Variants in BCOR observed in about 807,000 individuals in gnomAD.
BCOR encodes BCL6 corepressor.
BCOR carries 10 observed loss-of-function variants against 86.7 expected under a neutral mutation model. That is an observed-to-expected ratio of 0.12 (90% CI 0.07 to 0.20). The LOEUF (loss-of-function observed/expected upper bound fraction) is 0.20. Ranked by LOEUF, BCOR falls within the 10% of genes least tolerant of loss-of-function variation. The pLI, the probability that BCOR is intolerant of heterozygous loss-of-function variation, is 1.00. For missense variants in BCOR, 1,259 were observed against 1,452.1 expected (o/e 0.87, Z 2.16); for synonymous variants, 611 against 609.0 (o/e 1.00, Z -0.05).
rs756871820 is a variant in BCOR, at chrX:40,076,457, G to A, written c.162C>T (p.Asn54=). 6.7e-6 allele frequency: 8 copies of A among 1,187,263 alleles called. No homozygotes were observed. Among genetic ancestry groups the A allele is most frequent in the South Asian group, 1.8e-5 (1 of 56,287 alleles). ...ACAGAAGCTATTAATCTCTTACCAC[G>A]TTGTGGTTCAAGGGATTCTCTTCCC... ...ELREENPLNH[N]VVDASTAHRI... is the part of the protein sequence containing the mutation. The change falls in exon 3 of 15, where the codon AAC becomes AAT. Residue 54 remains asparagine, a synonymous_variant. Coordinates refer to ENST00000378444, the MANE Select transcript of BCOR (RefSeq NM_001123385.2).
chrX:40,110,667 CTTTTTTTTTTTTTT>C (rs546960508), intron 1 of BCOR, among the ~76,000 whole-genome samples: 1 of 29,546 alleles, frequency 3.4e-5, no homozygotes, highest in African/African-American at 1.1e-4. Flanking sequence ...TTTCCTTTTT[CTTTTTTTTTTTTTT>C]TTTTTTTTTT....
chrX:40,103,022 G>A (rs1937099657), intron 1 of BCOR, among the ~76,000 whole-genome samples: 1 of 111,128 alleles, frequency 9.0e-6, no homozygotes, highest in South Asian at 3.8e-4. Flanking sequence ...TCTGCTCTCG[G>A]TGCTCATCCT....
chrX:40,134,577 C>G (rs1185854930), intron 1 of BCOR, among the ~76,000 whole-genome samples: 1 of 111,664 alleles, frequency 9.0e-6, no homozygotes, highest in Non-Finnish European at 1.9e-5. Flanking sequence ...GAGCCATGAT[C>G]ACACCACTGC....
At chrX:40,161,973 C>G (rs148829793) in intron 1 of BCOR, among the ~76,000 whole-genome samples, 109 of 112,037 alleles carry the variant, frequency 9.7e-4, no homozygotes, top group African/African-American at 3.5e-3. Context: ...TAGGGTGACA[C>G]TCCTGTCCTT....
chrX:40,052,607 C>T (rs1835824797), intron 14 of BCOR, among the ~76,000 whole-genome samples: 2 of 94,632 alleles, frequency 2.1e-5, no homozygotes, highest in Non-Finnish European at 4.1e-5. Flanking sequence ...CTCTGTCGCC[C>T]AGGCTGGAGT....
chrX:40,110,668 T>C (rs1937289768), intron 1 of BCOR, among the ~76,000 whole-genome samples: 1 of 3,348 alleles, frequency 3.0e-4, no homozygotes, highest in South Asian at 0.017. Flanking sequence ...TTCCTTTTTC[T>C]TTTTTTTTTT....
upstream of BCOR, among the ~76,000 whole-genome samples, chrX:40,100,654 G>A (rs1295156883): frequency 6.7e-5 from 7 of 105,212 alleles, no homozygotes; most frequent in Admixed American, 5.1e-4. Context: ...AGCCGAGATC[G>A]CGCCGTTGCA....
intron 2 of BCOR, chrX:40,076,907 C>T (rs769939871): frequency 1.1e-4 from 37 of 328,735 alleles, no homozygotes; most frequent in Admixed American, 7.3e-4. Flanking sequence ...GGAGGGTAGA[C>T]ATGAAGTGGT....
At chrX:40,147,846 G>C (rs1270004175) in intron 1 of BCOR, among the ~76,000 whole-genome samples, 1 of 112,925 alleles carries the variant, frequency 8.9e-6, no homozygotes, top group East Asian at 2.8e-4. Flanking sequence ...TCCTGCCAGA[G>C]CTGGTCTCTG....
At chrX:40,114,849 C>CTTTTTTTTT (rs763376608) in intron 1 of BCOR, among the ~76,000 whole-genome samples, 1 of 85,080 alleles carries the variant, frequency 1.2e-5, no homozygotes, top group Non-Finnish European at 2.2e-5. Flanking sequence ...TTACCATTCA[C>CTTTTTTTTT]TTTTTTTTTT....
At chrX:40,148,994 A>G (rs1040606370) in intron 1 of BCOR, among the ~76,000 whole-genome samples, 2 of 111,096 alleles carry the variant, frequency 1.8e-5, no homozygotes, top group Admixed American at 1.9e-4. Flanking sequence ...GGAAGGAAGA[A>G]CACAGCCCCA....
intron 1 of BCOR, among the ~76,000 whole-genome samples, chrX:40,148,558 G>A (rs1406664413): frequency 1.8e-5 from 2 of 111,385 alleles, no homozygotes; most frequent in African/African-American, 6.5e-5. Flanking sequence ...GGCCCTTCAT[G>A]GGGGAGGAGG....
chrX:40,139,394 C>T (rs777425472), intron 1 of BCOR, among the ~76,000 whole-genome samples: 24 of 4,888 alleles, frequency 4.9e-3, no homozygotes, highest in Admixed American at 5.7e-3. Context: ...AATATATATA[C>T]ATATATATAT....
At chrX:40,070,011 C>T (rs1299413570) in intron 6 of BCOR, among the ~76,000 whole-genome samples, 1 of 111,660 alleles carries the variant, frequency 9.0e-6, no homozygotes, top group Non-Finnish European at 1.9e-5. Flanking sequence ...GTGTGCGCTC[C>T]GAGTATCAAG....
chrX:40,174,739 GAC>G (rs1938705269), intron 1 of BCOR, among the ~76,000 whole-genome samples: 1 of 112,584 alleles, frequency 8.9e-6, no homozygotes. Context: ...GTCTTCTTAG[GAC>G]ACAGACTGGC....
intron 1 of BCOR, among the ~76,000 whole-genome samples, chrX:40,135,065 T>C (rs1268420486): frequency 9.0e-6 from 1 of 111,330 alleles, no homozygotes; most frequent in East Asian, 2.8e-4. Context: ...CCCCCCACAT[T>C]ATTCAAGGAC....
chrX:40,145,651 G>C (rs891024676), intron 1 of BCOR, among the ~76,000 whole-genome samples: 2 of 111,691 alleles, frequency 1.8e-5, no homozygotes, highest in Non-Finnish European at 3.8e-5. Flanking sequence ...TAGGGGTGGG[G>C]GTCTCCTGGA....
At chrX:40,119,453 G>A (rs987650681) in intron 1 of BCOR, among the ~76,000 whole-genome samples, 3 of 110,610 alleles carry the variant, frequency 2.7e-5, no homozygotes, top group East Asian at 5.7e-4. Flanking sequence ...TGGGTGGATC[G>A]CTTGAGCCCA....
intron 2 of BCOR, chrX:40,076,958 G>A (rs1184582994): frequency 3.2e-6 from 1 of 316,009 alleles, no homozygotes. Context: ...GGCTGGTCGT[G>A]TCATCAACCA....
Sources: gnomAD v4.1 joint callset for allele counts (sites outside exome capture counted in the v4.1 genomes callset) on GRCh38, gnomAD v4.1.1 for gene constraint, MANE v1.5 for transcripts, NCBI Gene and HGNC (gene_info 2026-07-23, HGNC 2026-07-21) for gene names.